The following TTYH3 variants were observed in gnomAD, a reference collection of about 807,000 sequenced individuals.
The protein encoded by TTYH3 is tweety family member 3, also known as protein tweety homolog 3.
In TTYH3, 23 loss-of-function variants were observed where a neutral mutation model predicts 68.2. The observed-to-expected ratio is 0.34, with a 90% CI of 0.24 to 0.48. The LOEUF is 0.48. TTYH3 is among the 20% of genes least tolerant of loss of function. The pLI is 0.99. For synonymous variants in TTYH3, 360 were observed against 332.8 expected, an observed-to-expected ratio of 1.08 and a Z score of -0.89; for missense variants, 768 against 727.7, an observed-to-expected ratio of 1.06 and a Z score of -0.64.
chr7:2,637,266 G>A (rs991050276), intron 1 of TTYH3, among the ~76,000 whole-genome samples: 4 of 152,134 alleles, frequency 2.6e-5, no homozygotes, highest in South Asian at 4.1e-4. Context: ...ACCCCCGGCC[G>A]GGGGCTCTTG....
At chr7:2,637,471 A>C (rs1333008131) in intron 1 of TTYH3, among the ~76,000 whole-genome samples, 1 of 152,150 alleles carries the variant, frequency 6.6e-6, no homozygotes, top group Non-Finnish European at 1.5e-5. Flanking sequence ...AAGACTGGGC[A>C]CGGGTTCCAG....
chr7:2,655,990 A>T, intron 9 of TTYH3, 102 bp from the exon 10 acceptor site: 1 of 913,056 alleles, frequency 1.1e-6, no homozygotes, highest in Non-Finnish European at 1.7e-6. Flanking sequence ...GTCGAAGATT[A>T]TGGGCTGGAG....
intron 5 of TTYH3, 28 bp downstream of exon 5, chr7:2,648,082 G>A (rs1479422206): frequency 6.3e-7 from 1 of 1,596,234 alleles, no homozygotes; most frequent in Non-Finnish European, 8.5e-7. Flanking sequence ...GGCCCCCCGT[G>A]GGCCCAAAGC....
intron 1 of TTYH3, among the ~76,000 whole-genome samples, chr7:2,638,075 C>T (rs530754499): frequency 1.7e-4 from 26 of 152,290 alleles, no homozygotes; most frequent in Admixed American, 4.6e-4. Context: ...CTGGGGTGCA[C>T]CCAGCTCTGA....
chr7:2,652,292 T>C, intron 8 of TTYH3, 50 bp downstream of exon 8: 1 of 1,548,708 alleles, frequency 6.5e-7, no homozygotes, highest in East Asian at 2.3e-5. Context: ...CTGAAGCACA[T>C]TGCTGTGTGT....
intron 1 of TTYH3, among the ~76,000 whole-genome samples, chr7:2,636,980 C>T (rs528464491): frequency 1.3e-3 from 191 of 152,252 alleles, no homozygotes; most frequent in Non-Finnish European, 2.2e-3. Flanking sequence ...TAGAAGTCCC[C>T]GAGGTCTTCA....
rs533822050 is a variant in TTYH3 at position 2,649,654 on chromosome 7, G to T, written c.795+15G>T. On this transcript the variant is annotated intron_variant, in intron 6 of 13. Coordinates refer to ENST00000258796, the MANE Select transcript of TTYH3 (RefSeq NM_025250.3). ...CTGTGTCCGTGGTGAGTGGCAGAGG[G>T]GGTGAGGTCCCCGGCTGCTGGACCT... The T allele has an allele frequency of 4.0e-5, 64 of 1,593,466 alleles. No individual in the cohort carries two copies. The South Asian group carries it at 7.1e-4, about 18-fold the overall frequency.
rs1385631085 is a variant in TTYH3, at chr7:2,664,802, A to G, written c.*3063A>G. On this transcript the variant is annotated 3_prime_UTR_variant, in exon 14 of 14. Transcript: ENST00000258796. Reference sequence around the variant, plus strand: ...GTTTTAAAATAAATTTTAAAAAGCAAGCCTCTCTTCCTGAGCTGCTTTGGC... The same window carrying G: ...GTTTTAAAATAAATTTTAAAAAGCAGGCCTCTCTTCCTGAGCTGCTTTGGC... 6.6e-6 allele frequency: 1 copy of G among 152,224 alleles called. No homozygotes were observed. The highest frequency in any genetic ancestry group is 6.5e-5 in the Admixed American group (1 of 15,268). 9.4% of individuals were successfully genotyped at this position (152,224 alleles called of 1,614,324 possible).
chr7:2,646,587 A>G lies in TTYH3; in HGVS notation c.124-266A>G, dbSNP rs116118851. 3.8e-3 allele frequency among the ~76,000 whole-genome samples: 579 copies of G among 152,222 alleles called. 7 individuals carry two copies. The highest frequency in any genetic ancestry group is 0.013 in the African/African-American group (538 of 41,544). ...GGAGTCGGTTCACCCGGCCCCTCCT[A>G]GTGGCTATGGAGTCTTCATGCTGTG... On this transcript the variant is annotated intron_variant, in intron 1 of 13. Transcript: ENST00000258796.
chr7:2,659,191 C>T (rs754983732), intron 13 of TTYH3, among the ~76,000 whole-genome samples, 176 bp downstream of exon 13: 32 of 152,196 alleles, frequency 2.1e-4, no homozygotes, highest in African/African-American at 6.8e-4. Flanking sequence ...CTCTGCAGGA[C>T]GCCTGACCTG....
chr7:2,633,979 G>C (rs1785592219), intron 1 of TTYH3, among the ~76,000 whole-genome samples: 1 of 152,246 alleles, frequency 6.6e-6, no homozygotes, highest in African/African-American at 2.4e-5. Context: ...TGACCTGCCT[G>C]GCCTCCAGCA....
chr7:2,653,258 G>C (rs1487797519), intron 9 of TTYH3, among the ~76,000 whole-genome samples: 2 of 152,108 alleles, frequency 1.3e-5, no homozygotes, highest in Admixed American at 6.6e-5. Flanking sequence ...ATTTTTGGTA[G>C]GTTTTAAAAA....
At chr7:2,661,576 G>A in intron 13 of TTYH3, 92 bp from the exon 14 acceptor site, 1 of 1,266,752 alleles carries the variant, frequency 7.9e-7, no homozygotes, top group Non-Finnish European at 1.1e-6. Flanking sequence ...CAGGGCTGTT[G>A]GCTCAGCCAA....
chr7:2,652,027 A>T (rs1786194332), intron 7 of TTYH3, among the ~76,000 whole-genome samples, 160 bp from the exon 8 acceptor site: 1 of 152,248 alleles, frequency 6.6e-6, no homozygotes, highest in Non-Finnish European at 1.5e-5. Context: ...AAACATGCAG[A>T]CACATGCACA....
chr7:2,641,317 CGGGGGAGTCTGGGCTCACGGTGGGA>C (rs1785835666), intron 1 of TTYH3, among the ~76,000 whole-genome samples: 1 of 143,698 alleles, frequency 7.0e-6, no homozygotes, highest in African/African-American at 2.6e-5. Flanking sequence ...GCGGGGCAGT[CGGGGGAGTCTGGGCTCACGGTGGGA>C]GGGGGCATCC....
chr7:2,644,264 G>A (rs568205469), intron 1 of TTYH3, among the ~76,000 whole-genome samples: 100 of 152,254 alleles, frequency 6.6e-4, no homozygotes, highest in East Asian at 3.5e-3. Context: ...AGTCACAGCC[G>A]GTGGGGTCAG....
intron 1 of TTYH3, among the ~76,000 whole-genome samples, chr7:2,635,982 C>T (rs1785646807): frequency 6.6e-6 from 1 of 152,250 alleles, no homozygotes; most frequent in Admixed American, 6.5e-5. Context: ...TCTGGTCTGA[C>T]TGCGCACGGG....
At chr7:2,639,765 C>T (rs1785784090) in intron 1 of TTYH3, among the ~76,000 whole-genome samples, 1 of 152,176 alleles carries the variant, frequency 6.6e-6, no homozygotes, top group Admixed American at 6.5e-5. Context: ...CCCTCAGTGG[C>T]CTCTGTGGAG....
rs1215096554 is a variant in TTYH3 at position 2,645,521 on chromosome 7, C to T, written c.124-1332C>T. On this transcript the variant is annotated intron_variant, in intron 1 of 13. Transcript: ENST00000258796. The surrounding 1 kb of genome is among the most constrained non-coding windows in gnomAD (Gnocchi z 4.8). ...GGACAGGGGAGCTCTGGTGTCTGTTCTGTGGTCTGTCTTTTGTGTTCAGAG... is the reference window on the plus strand; with the variant it reads ...GGACAGGGGAGCTCTGGTGTCTGTTTTGTGGTCTGTCTTTTGTGTTCAGAG... The T allele has an allele frequency of 3.7e-6, 1 of 270,256 alleles. No individual in the cohort carries two copies. The highest frequency in any genetic ancestry group is 7.7e-6 in the Non-Finnish European group (1 of 130,362). 16.7% of individuals were successfully genotyped at this position (270,256 alleles called of 1,614,324 possible).
Sources: gnomAD v4.1 joint callset for allele counts (sites outside exome capture counted in the v4.1 genomes callset) on GRCh38, gnomAD v4.1.1 for gene constraint, Gnocchi (gnomAD v3.1) non-coding constraint, MANE v1.5 for transcripts, NCBI Gene and HGNC (gene_info 2026-07-23, HGNC 2026-07-21) for gene names.